Variants in GNG7 observed in about 807,000 individuals in gnomAD.
GNG7 encodes the protein guanine nucleotide-binding protein G(I)/G(S)/G(O) subunit gamma-7.
In GNG7, 1 loss-of-function variant was observed where a neutral mutation model predicts 4.0. The observed-to-expected ratio is 0.25, with a 90% CI of 0.09 to 1.18. The LOEUF (loss-of-function observed/expected upper bound fraction) is 1.18. GNG7 is among the 50% of genes most tolerant of loss of function. GNG7 has a pLI of 0.50. For missense variants in GNG7, 86 were observed against 91.9 expected (o/e 0.94, Z 0.26); for synonymous variants, 34 against 36.9 (o/e 0.92, Z 0.29).
chr19:2,532,655 T>C (rs1978632024), intron 3 of GNG7, among the ~76,000 whole-genome samples: 1 of 152,174 alleles, frequency 6.6e-6, no homozygotes, highest in African/African-American at 2.4e-5. Flanking sequence ...AGAAATGTCC[T>C]AAAAAGTGGC....
intron 2 of GNG7, among the ~76,000 whole-genome samples, chr19:2,573,647 A>G (rs1980219706): frequency 6.6e-6 from 1 of 151,938 alleles, no homozygotes; most frequent in Non-Finnish European, 1.5e-5. Context: ...TGAAAGAGTT[A>G]GTGTCTTGTT....
At chr19:2,699,577 G>A (rs903136521) in intron 1 of GNG7, among the ~76,000 whole-genome samples, 3 of 152,162 alleles carry the variant, frequency 2.0e-5, no homozygotes, top group Non-Finnish European at 4.4e-5. Flanking sequence ...ACATCAAAGG[G>A]GAGATGAGGT....
chr19:2,616,547 C>T (rs62123730), intron 2 of GNG7, among the ~76,000 whole-genome samples: 11,814 of 152,118 alleles, frequency 0.078, 539 homozygotes, highest in African/African-American at 0.12. Flanking sequence ...GAGGCCAAAG[C>T]GAGCGGATCA....
At chr19:2,600,196 TA>T (rs1302376241) in intron 2 of GNG7, among the ~76,000 whole-genome samples, 5 of 151,646 alleles carry the variant, frequency 3.3e-5, no homozygotes, top group African/African-American at 1.2e-4. Flanking sequence ...TCCCATTAAA[TA>T]TTTTTTTAAA....
chr19:2,605,729 G>A (rs543369309), intron 2 of GNG7, among the ~76,000 whole-genome samples: 1,772 of 149,136 alleles, frequency 0.012, 36 homozygotes, highest in African/African-American at 0.042. Context: ...GGCCAGCATG[G>A]TCTCGATCTC....
At chr19:2,605,507 C>CTTT (rs10602276) in intron 2 of GNG7, among the ~76,000 whole-genome samples, 26 of 62,446 alleles carry the variant, frequency 4.2e-4, no homozygotes, top group East Asian at 5.3e-4. Context: ...CCAAATCTCA[C>CTTT]TTTTTTTTTT....
rs565616152 is a variant in GNG7, at chr19:2,596,012, C to A, written c.-77-40824G>T. Among the ~76,000 whole-genome samples, 7 of 152,160 alleles carry A rather than the reference C, an allele frequency of 4.6e-5. No individual in the cohort carries two copies. The South Asian group carries it at 1.2e-3, about 27-fold the overall frequency. On this transcript the variant is annotated intron_variant, in intron 2 of 4. Coordinates refer to ENST00000382159, the MANE Select transcript of GNG7 (RefSeq NM_052847.3). ...ACGCTGCATGCTTGTTACTCTACTA[C>A]AGAGGAGGAAGCAACGCTTACGAAA...
intron 1 of GNG7, among the ~76,000 whole-genome samples, chr19:2,657,582 G>A (rs1983030248): frequency 6.6e-6 from 1 of 150,494 alleles, no homozygotes; most frequent in African/African-American, 2.5e-5. Flanking sequence ...AGGCACAGGG[G>A]CTTGTGCCTG....
At chr19:2,608,790 C>T (rs552970633) in intron 2 of GNG7, among the ~76,000 whole-genome samples, 2 of 152,334 alleles carry the variant, frequency 1.3e-5, no homozygotes, top group Admixed American at 1.3e-4. Context: ...TCCAGGTAAC[C>T]CTGTCTGCTG....
chr19:2,558,244 G>GTTTTT (rs1435255853), intron 2 of GNG7, among the ~76,000 whole-genome samples: 2 of 48,684 alleles, frequency 4.1e-5, no homozygotes, highest in South Asian at 4.9e-4. Flanking sequence ...TTTTGTTTTT[G>GTTTTT]TTTTTGTTTT....
At chr19:2,637,505 G>T (rs769788428) in intron 2 of GNG7, among the ~76,000 whole-genome samples, 10 of 152,116 alleles carry the variant, frequency 6.6e-5, no homozygotes, top group Non-Finnish European at 1.5e-4. Flanking sequence ...AGCCGCACTC[G>T]CCCAGCCCAG....
Position 2,633,501 on chromosome 19 carries a change from A to ACGCGCG in GNG7, c.-78+12722_-78+12723insCGCGCG, listed in dbSNP as rs1568268793. Among the ~76,000 whole-genome samples, 30 of 143,650 alleles carry ACGCGCG rather than the reference A, an allele frequency of 2.1e-4. No individual in the cohort carries two copies. Among genetic ancestry groups the ACGCGCG allele is most frequent in the African/African-American group, 7.7e-4 (27 of 34,952 alleles). 94.2% of individuals were successfully genotyped at this position (143,650 alleles called of 152,430 possible). On this transcript the variant is annotated intron_variant, in intron 2 of 4. Coordinates refer to ENST00000382159, the MANE Select transcript of GNG7 (RefSeq NM_052847.3). The surrounding 1 kb of genome is among the most constrained non-coding windows in gnomAD (Gnocchi z 5.9). ...CGCGCGCGCGCGCACACACACACACACACACACACACACACACACACACGA... is the reference window on the plus strand; with the variant it reads ...CGCGCGCGCGCGCACACACACACACACGCGCGCACACACACACACACACACACACGA...
At chr19:2,579,694 G>A (rs1313187056) in intron 2 of GNG7, among the ~76,000 whole-genome samples, 2 of 152,226 alleles carry the variant, frequency 1.3e-5, no homozygotes, top group East Asian at 3.8e-4. Context: ...GCGGGGAGCA[G>A]GGGACGCACC....
chr19:2,540,715 G>C (rs888416527), intron 3 of GNG7, among the ~76,000 whole-genome samples: 4 of 152,158 alleles, frequency 2.6e-5, no homozygotes, highest in South Asian at 2.1e-4. Flanking sequence ...GCCGGGCAGC[G>C]GGACAGACTG....
At position 2,614,253 on chromosome 19, in the gene GNG7, C is replaced by T. The variant is rs1359128576; in HGVS notation, c.-78+31971G>A. ...AGGTGCGGCGACTTTCCCTAGCACC[C>T]TCTCCCTGCCCTCTGTGTACCCGCA... On this transcript the variant is annotated intron_variant, in intron 2 of 4. Coordinates refer to ENST00000382159, the MANE Select transcript of GNG7 (RefSeq NM_052847.3). The surrounding 1 kb of genome is among the most constrained non-coding windows in gnomAD (Gnocchi z 6.0). Among the ~76,000 whole-genome samples, 1 of 152,202 alleles carries T rather than the reference C, an allele frequency of 6.6e-6. No homozygotes were observed. Among genetic ancestry groups the T allele is most frequent in the East Asian group, 1.9e-4 (1 of 5,204 alleles).
chr19:2,538,801 C>T (rs1239609000), intron 3 of GNG7: 3 of 384,488 alleles, frequency 7.8e-6, no homozygotes, highest in South Asian at 6.1e-5. Context: ...CGGAGTCTCA[C>T]TCTGTCTCCC....
At chr19:2,517,663 C>T (rs1332354429) in intron 4 of GNG7, among the ~76,000 whole-genome samples, 1 of 152,202 alleles carries the variant, frequency 6.6e-6, no homozygotes, top group Non-Finnish European at 1.5e-5. Context: ...CCGTGCCTGG[C>T]CTGGCCATAA....
intron 1 of GNG7, among the ~76,000 whole-genome samples, chr19:2,695,506 G>A (rs576544554): frequency 3.9e-5 from 6 of 152,286 alleles, no homozygotes; most frequent in South Asian, 2.1e-4. Context: ...GGCCTTTGTC[G>A]GATAGAGGAA....
At chr19:2,637,690 G>A (rs560178081) in intron 2 of GNG7, among the ~76,000 whole-genome samples, 4 of 152,218 alleles carry the variant, frequency 2.6e-5, no homozygotes, top group Non-Finnish European at 5.9e-5. Flanking sequence ...TGCGTGTGTG[G>A]ACATCAGAGC....
Sources: allele counts gnomAD v4.1 joint callset (sites outside exome capture counted in the v4.1 genomes callset), GRCh38; gene constraint gnomAD v4.1.1; non-coding constraint Gnocchi (gnomAD v3.1); transcripts MANE v1.5; gene names NCBI Gene and HGNC (gene_info 2026-07-23, HGNC 2026-07-21).